Variants in TMEM156 observed in about 807,000 individuals in gnomAD.
TMEM156 encodes transmembrane protein 156.
TMEM156 carries 28 observed loss-of-function variants against 30.5 expected under a neutral mutation model. That is an observed-to-expected ratio of 0.92 (90% CI 0.68 to 1.26). The LOEUF is 1.26. Among genes scored for constraint, TMEM156 ranks in the 50% most tolerant of loss-of-function variants. The pLI is 0.00. For missense variants in TMEM156, 351 were observed against 340.6 expected, an observed-to-expected ratio of 1.03 and a Z score of -0.24; for synonymous variants, 137 against 119.9, an observed-to-expected ratio of 1.14 and a Z score of -0.93.
chr4:38,973,715 CT>C (rs1457413247), intron 5 of TMEM156, among the ~76,000 whole-genome samples: 1 of 152,132 alleles, frequency 6.6e-6, no homozygotes, highest in African/African-American at 2.4e-5. Context: ...TTGACTAGTA[CT>C]TCCAATACAA....
chr4:38,972,601 G>A (rs1722661092), intron 5 of TMEM156, among the ~76,000 whole-genome samples: 1 of 149,880 alleles, frequency 6.7e-6, no homozygotes, highest in South Asian at 2.1e-4. Context: ...GGGATTCACT[G>A]CCTTCTATAC....
chr4:38,968,860 C>T (rs918232542), intron 6 of TMEM156, among the ~76,000 whole-genome samples: 2 of 152,162 alleles, frequency 1.3e-5, no homozygotes, highest in African/African-American at 4.8e-5. Context: ...CACTCGTTTC[C>T]ACCCTACTTG....
intron 5 of TMEM156, among the ~76,000 whole-genome samples, chr4:38,978,144 C>G (rs1722968976): frequency 6.6e-6 from 1 of 152,138 alleles, no homozygotes; most frequent in Admixed American, 6.5e-5. Flanking sequence ...TTCATCCTAG[C>G]CAGCCTCTCT....
At position 39,026,369 on chromosome 4, in the gene TMEM156, A is replaced by T. The variant is rs558586480; in HGVS notation, c.88+5857T>A. On this transcript the variant is annotated intron_variant, in intron 1 of 6. Coordinates refer to ENST00000381938, the MANE Select transcript of TMEM156 (RefSeq NM_024943.3). ...TCTCTCTTAAAAAATTTTTTTAAAA[A>T]ATTAAAAAAAAAAGAGATATACTAA... 3.8e-3 allele frequency among the ~76,000 whole-genome samples: 279 copies of T among 72,552 alleles called. 1 individual carries two copies. The highest frequency in any genetic ancestry group is 0.018 in the African/African-American group (265 of 14,372). 47.6% of individuals were successfully genotyped at this position (72,552 alleles called of 152,430 possible).
rs182803649 is a variant in TMEM156 at position 38,993,998 on chromosome 4, A to G, written c.359T>C (p.Val120Ala). The G allele has an allele frequency of 1.2e-6, 2 of 1,606,024 alleles. No individual in the cohort carries two copies. The highest frequency in any genetic ancestry group is 2.2e-5 in the East Asian group (1 of 44,654). Residue 120 changes from valine to alanine, a missense_variant and splice_region_variant, in exon 3 of 7, where the codon GTT becomes GCT. Coordinates refer to ENST00000381938, the MANE Select transcript of TMEM156 (RefSeq NM_024943.3). ...TTCCATTGATCCTCTCCTGATAAGA[A>G]CTAGAAAGTGATTAAGAAAATGTTA... ...DFISQEQTSK[V>A]LIRRGSMEVK...
chr4:38,992,753 T>TAATATAATATATATAATATATATA (rs1429455634), intron 3 of TMEM156, among the ~76,000 whole-genome samples: 41 of 66,796 alleles, frequency 6.1e-4, no homozygotes, highest in Non-Finnish European at 4.7e-4. Context: ...ATATATTATA[T>TAATATAATATATATAATATATATA]ATATATATAT....
intron 1 of TMEM156, among the ~76,000 whole-genome samples, chr4:39,001,518 G>A (rs546018587): frequency 4.7e-5 from 7 of 149,778 alleles, no homozygotes; most frequent in African/African-American, 1.7e-4. Context: ...ATAATATGGA[G>A]CACAATGAAA....
chr4:38,978,267 T>A (rs1016985131), intron 5 of TMEM156, among the ~76,000 whole-genome samples: 69 of 152,092 alleles, frequency 4.5e-4, no homozygotes, highest in East Asian at 4.1e-3. Context: ...AAGTAACTTT[T>A]AAAAAAATAC....
At chr4:39,024,451 A>G (rs1016809133) in intron 1 of TMEM156, among the ~76,000 whole-genome samples, 1 of 152,218 alleles carries the variant, frequency 6.6e-6, no homozygotes, top group African/African-American at 2.4e-5. Context: ...ATCTTTCCAT[A>G]AAGAAAATGT....
intron 1 of TMEM156, among the ~76,000 whole-genome samples, chr4:38,999,124 T>TAA (rs1713155409): frequency 6.8e-6 from 1 of 147,132 alleles, no homozygotes; most frequent in Non-Finnish European, 1.5e-5. Context: ...TTTTTTTTTT[T>TAA]TTTTTTTTTT....
chr4:39,010,735 C>T (rs950175743), intron 1 of TMEM156, among the ~76,000 whole-genome samples: 1 of 151,948 alleles, frequency 6.6e-6, no homozygotes, highest in Non-Finnish European at 1.5e-5. Context: ...TGAAACTGGA[C>T]CCCTTTCACT....
Position 38,993,903 on chromosome 4 carries a change from A to C in TMEM156, c.454T>G (p.Leu152Val). The C allele has an allele frequency of 6.2e-7, 1 of 1,614,116 alleles. No individual in the cohort carries two copies. Among genetic ancestry groups the C allele is most frequent in the Non-Finnish European group, 8.5e-7 (1 of 1,180,014 alleles). Residue 152 changes from leucine to valine, a missense_variant, in exon 3 of 7, where the codon TTG (leucine) becomes GTG (valine). Transcript: ENST00000381938. ...NFSVAPLVDH[L>V]EEYNTTCHLK... ...TGACAGGTAGTGTTATATTCCTCCA[A>C]GTGGTCAACCAGAGGAGCTACACTG... is the stretch of plus-strand genomic sequence containing the variant.
Position 38,998,829 on chromosome 4 carries a change from A to G in TMEM156, c.169T>C (p.Phe57Leu). ...CTTACTGGTTGCAGAAAAGTCACAA[A>G]AGAAAAATTTAAGGAGGAGAGTGAA... The part of the protein sequence containing the change: ...TYSLSSLNFS[F>L]VTFLQPVRET... Residue 57 changes from phenylalanine to leucine, a missense_variant, in exon 2 of 7, where the codon TTT becomes CTT. By Grantham distance (22) the Phe-to-Leu change is conservative. Transcript: ENST00000381938. 1.2e-6 allele frequency: 2 copies of G among 1,613,964 alleles called. No individual in the cohort carries two copies. Among genetic ancestry groups the G allele is most frequent in the Non-Finnish European group, 1.7e-6 (2 of 1,179,944 alleles).
At chr4:38,987,396 T>C (rs1577526062) in intron 4 of TMEM156, among the ~76,000 whole-genome samples, 1 of 152,208 alleles carries the variant, frequency 6.6e-6, no homozygotes, top group Non-Finnish European at 1.5e-5. Flanking sequence ...ATTCTACAAA[T>C]AAACAGTATT....
At chr4:39,012,986 T>C (rs2110026388) in intron 1 of TMEM156, among the ~76,000 whole-genome samples, 1 of 149,070 alleles carries the variant, frequency 6.7e-6, no homozygotes, top group African/African-American at 2.5e-5. Context: ...AAGGAAACAA[T>C]GCTTGGAAGT....
chr4:38,974,547 G>A (rs559303551), intron 5 of TMEM156, among the ~76,000 whole-genome samples: 1 of 152,100 alleles, frequency 6.6e-6, no homozygotes, highest in African/African-American at 2.4e-5. Flanking sequence ...CTTTTTGAAG[G>A]ACAATTAACA....
chr4:38,999,026 A>C, intron 1 of TMEM156, 117 bp from the exon 2 acceptor site: 1 of 678,384 alleles, frequency 1.5e-6, no homozygotes, highest in Non-Finnish European at 2.3e-6. Flanking sequence ...ATTTCAGCTT[A>C]TCAGAGACAA....
chr4:38,973,712 G>C (rs1722713686), intron 5 of TMEM156, among the ~76,000 whole-genome samples: 1 of 152,124 alleles, frequency 6.6e-6, no homozygotes, highest in African/African-American at 2.4e-5. Context: ...GTGTTGACTA[G>C]TACTTCCAAT....
Position 38,971,189 on chromosome 4 carries a change from A to G in TMEM156, c.824-52T>C. On this transcript the variant is annotated intron_variant, in intron 5 of 6. Transcript: ENST00000381938. ...TCTATATGTAGTAAATAGCAAAAAG[A>G]GACAGGCTTATTCTAATGTAGTAAG... 4 of 1,529,874 alleles carry G rather than the reference A, an allele frequency of 2.6e-6. No homozygotes were observed. The Middle Eastern group carries it at 6.8e-4, about 260-fold the overall frequency. 94.8% of individuals were successfully genotyped at this position (1,529,874 alleles called of 1,614,324 possible).
Sources: gnomAD v4.1 joint callset for allele counts (sites outside exome capture counted in the v4.1 genomes callset) on GRCh38, gnomAD v4.1.1 for gene constraint, MANE v1.5 for transcripts, NCBI Gene and HGNC (gene_info 2026-07-23, HGNC 2026-07-21) for gene names.